The following PHACTR1 variants were observed in gnomAD, a reference collection of about 807,000 sequenced individuals.
PHACTR1 encodes the protein RPEL repeat containing 1.
In PHACTR1, 16 loss-of-function variants were observed where a neutral mutation model predicts 69.2. That is an observed-to-expected ratio of 0.23 (90% CI 0.16 to 0.35). PHACTR1 has a LOEUF of 0.35. Ranked by LOEUF, PHACTR1 falls within the 10% of genes least tolerant of loss-of-function variation. The probability of loss-of-function intolerance (pLI) is 1.00; values close to 1 mark genes in which losing one functional copy is unlikely to be tolerated. For missense variants in PHACTR1, 510 were observed against 734.7 expected, an observed-to-expected ratio of 0.69 and a Z score of 3.54; for synonymous variants, 312 against 284.5, an observed-to-expected ratio of 1.10 and a Z score of -0.97.
At chr6:13,204,463 C>A (rs140134085) in intron 7 of PHACTR1, among the ~76,000 whole-genome samples, 148 of 152,248 alleles carry the variant, frequency 9.7e-4, no homozygotes, top group African/African-American at 3.2e-3. Context: ...GGCAAGCCTA[C>A]AACCCACAGG....
intron 8 of PHACTR1, among the ~76,000 whole-genome samples, chr6:13,214,858 T>C (rs1390892592): frequency 2.0e-5 from 3 of 152,264 alleles, no homozygotes; most frequent in Admixed American, 2.0e-4. Context: ...TTTTTAATGA[T>C]GCCTTCTTTA....
intron 10 of PHACTR1, among the ~76,000 whole-genome samples, chr6:13,266,345 C>T (rs1372909760): frequency 6.6e-6 from 1 of 152,168 alleles, no homozygotes; most frequent in Non-Finnish European, 1.5e-5. Flanking sequence ...CCAATCCCTT[C>T]TCCATATAAT....
chr6:13,010,233 T>G (rs954883349), intron 4 of PHACTR1, among the ~76,000 whole-genome samples: 3 of 152,154 alleles, frequency 2.0e-5, no homozygotes, highest in African/African-American at 7.2e-5. Flanking sequence ...GTTCAAGCGA[T>G]TCTCCTGCCT....
intron 4 of PHACTR1, among the ~76,000 whole-genome samples, chr6:12,801,917 A>G (rs952291444): frequency 2.0e-5 from 3 of 151,974 alleles, no homozygotes; most frequent in African/African-American, 7.2e-5. Context: ...GAGTGACTAA[A>G]TAAATTGTCA....
intron 4 of PHACTR1, among the ~76,000 whole-genome samples, chr6:12,974,682 C>T (rs543150269): frequency 6.6e-6 from 1 of 152,234 alleles, no homozygotes; most frequent in Non-Finnish European, 1.5e-5. Context: ...AAACTCAGAA[C>T]ATTTGGTGGA....
intron 4 of PHACTR1, among the ~76,000 whole-genome samples, chr6:13,023,404 G>C (rs1801262614): frequency 6.6e-6 from 1 of 152,130 alleles, no homozygotes; most frequent in African/African-American, 2.4e-5. Context: ...GTGAACTTTA[G>C]AACAATTGCC....
intron 4 of PHACTR1, among the ~76,000 whole-genome samples, chr6:12,959,421 C>G (rs539312446): frequency 6.6e-6 from 1 of 152,016 alleles, no homozygotes; most frequent in African/African-American, 2.4e-5. Context: ...TGATGCTCAA[C>G]AAACAAAACT....
chr6:13,211,110 T>C (rs1241345808), intron 8 of PHACTR1, among the ~76,000 whole-genome samples: 1 of 152,138 alleles, frequency 6.6e-6, no homozygotes, highest in Non-Finnish European at 1.5e-5. Context: ...AACAACTTTT[T>C]ATTTGTTTAT....
intron 4 of PHACTR1, among the ~76,000 whole-genome samples, chr6:12,877,053 T>C (rs552431220): frequency 6.2e-4 from 95 of 152,182 alleles, no homozygotes; most frequent in Non-Finnish European, 1.0e-3. Context: ...TCTTCCACGC[T>C]GAGGAAAGAA....
intron 4 of PHACTR1, among the ~76,000 whole-genome samples, chr6:13,018,922 A>G (rs1405736526): frequency 6.6e-6 from 1 of 152,104 alleles, no homozygotes; most frequent in Non-Finnish European, 1.5e-5. Flanking sequence ...TCTGTTGCCC[A>G]GGCTGGAGTG....
At chr6:12,933,208 G>T (rs1164056276) in intron 4 of PHACTR1, among the ~76,000 whole-genome samples, 2 of 152,064 alleles carry the variant, frequency 1.3e-5, no homozygotes, top group Admixed American at 1.3e-4. Context: ...CTCCCAAAGT[G>T]CTGGGATTAC....
chr6:13,079,010 T>A (rs1487569019), intron 5 of PHACTR1, among the ~76,000 whole-genome samples: 1 of 152,232 alleles, frequency 6.6e-6, no homozygotes, highest in Non-Finnish European at 1.5e-5. Context: ...TTTTTTCTTC[T>A]TGGAAAATGA....
At chr6:12,749,600 C>A in intron 3 of PHACTR1, 44 bp from the exon 4 acceptor site, 1 of 1,492,410 alleles carries the variant, frequency 6.7e-7, no homozygotes, top group Non-Finnish European at 9.1e-7. Flanking sequence ...CCTCCTCCCC[C>A]TTCCGCCTCT....
chr6:13,281,123 G>C (rs1780093771), intron 12 of PHACTR1: 1 of 1,289,242 alleles, frequency 7.8e-7, no homozygotes, highest in Non-Finnish European at 1.0e-6. Flanking sequence ...CTGACCTGCA[G>C]CATTTATGCT....
chr6:12,739,994 T>G (rs994203049), intron 3 of PHACTR1, among the ~76,000 whole-genome samples: 1 of 152,258 alleles, frequency 6.6e-6, no homozygotes, highest in Non-Finnish European at 1.5e-5. Context: ...GATTTCCTTG[T>G]GCTCCGTCCA....
intron 4 of PHACTR1, among the ~76,000 whole-genome samples, chr6:12,835,557 A>G (rs1044471029): frequency 2.0e-5 from 3 of 152,182 alleles, no homozygotes; most frequent in African/African-American, 7.2e-5. Flanking sequence ...TTCAGGAGAA[A>G]TAAGTCTCCC....
At chr6:13,077,191 G>GAAA (rs60218037) in intron 5 of PHACTR1, among the ~76,000 whole-genome samples, 5 of 137,602 alleles carry the variant, frequency 3.6e-5, no homozygotes, top group Non-Finnish European at 7.7e-5. Flanking sequence ...AAAAAAAAAA[G>GAAA]TGATTGCATG....
At chr6:13,062,532 A>G (rs547559254) in intron 5 of PHACTR1, among the ~76,000 whole-genome samples, 13 of 152,088 alleles carry the variant, frequency 8.5e-5, no homozygotes, top group African/African-American at 2.2e-4. Flanking sequence ...TTTAAATAAA[A>G]CTCCTTGGAT....
intron 4 of PHACTR1, among the ~76,000 whole-genome samples, chr6:12,811,486 A>T (rs1300323223): frequency 6.6e-6 from 1 of 152,244 alleles, no homozygotes; most frequent in African/African-American, 2.4e-5. Context: ...AGTGGTTACT[A>T]GGGTATATAA....
Sources: allele counts gnomAD v4.1 joint callset (sites outside exome capture counted in the v4.1 genomes callset), GRCh38; gene constraint gnomAD v4.1.1; transcripts MANE v1.5; gene names NCBI Gene and HGNC (gene_info 2026-07-23, HGNC 2026-07-21).